The following POLD3 variants were observed in gnomAD, a reference collection of about 807,000 sequenced individuals.
POLD3 encodes the protein DNA polymerase delta subunit 3.
Under a neutral mutation model 58.2 loss-of-function variants are expected in POLD3, and 19 were observed. That is an observed-to-expected ratio of 0.33 (90% CI 0.23 to 0.48). The LOEUF (loss-of-function observed/expected upper bound fraction) is 0.48, where lower values mean the gene tolerates loss of function less well. POLD3 is among the 20% of genes least tolerant of loss of function. POLD3 has a pLI of 0.99. For missense variants in POLD3, 504 were observed against 545.5 expected, an observed-to-expected ratio of 0.92 and a Z score of 0.76; for synonymous variants, 172 against 193.5, an observed-to-expected ratio of 0.89 and a Z score of 0.92.
intron 4 of POLD3, among the ~76,000 whole-genome samples, chr11:74,662,992 C>A (rs1255401529): frequency 2.0e-5 from 3 of 152,212 alleles, no homozygotes; most frequent in Admixed American, 2.0e-4. Flanking sequence ...CCCAACCACA[C>A]AGATTCTCTG....
At chr11:74,657,182 A>G (rs145225161) in intron 4 of POLD3, among the ~76,000 whole-genome samples, 23 of 150,094 alleles carry the variant, frequency 1.5e-4, no homozygotes, top group African/African-American at 5.6e-4. Context: ...TAGATGAAAT[A>G]TGTTTCTTAT....
intron 9 of POLD3, among the ~76,000 whole-genome samples, chr11:74,632,387 T>A (rs538235732): frequency 6.6e-6 from 1 of 152,340 alleles, no homozygotes; most frequent in Admixed American, 6.5e-5. Flanking sequence ...CAAATCTGTT[T>A]AAAATACACC....
intron 9 of POLD3, among the ~76,000 whole-genome samples, chr11:74,633,944 T>G (rs2032671205): frequency 2.6e-5 from 4 of 152,224 alleles, no homozygotes. Flanking sequence ...TAACATCAGC[T>G]GGAAATTTTC....
Position 74,625,395 on chromosome 11 carries a change from A to G in POLD3, c.734-13A>G. On this transcript the variant is annotated splice_polypyrimidine_tract_variant and intron_variant, in intron 7 of 11. Coordinates refer to ENST00000263681, the MANE Select transcript of POLD3 (RefSeq NM_006591.3). Reference sequence around the variant, plus strand: ...GATGGGGTCATATGTCGTCTGCTATACTTTATTTATAGATAAATTTAAAGT... The same window carrying G: ...GATGGGGTCATATGTCGTCTGCTATGCTTTATTTATAGATAAATTTAAAGT... 6.3e-7 allele frequency: 1 copy of G among 1,593,074 alleles called. No individual in the cohort carries two copies. Among genetic ancestry groups the G allele is most frequent in the Non-Finnish European group, 8.6e-7 (1 of 1,167,772 alleles).
chr11:74,660,898 A>G (rs2033198379), intron 4 of POLD3, among the ~76,000 whole-genome samples: 1 of 150,944 alleles, frequency 6.6e-6, no homozygotes, highest in Admixed American at 6.6e-5. Context: ...AGGCTAATAC[A>G]TCTCCTCTGA....
intron 4 of POLD3, chr11:74,652,577 T>C (rs1349334131): frequency 2.6e-5 from 4 of 152,194 alleles, no homozygotes; most frequent in African/African-American, 7.2e-5. Flanking sequence ...GATGAAGCTA[T>C]AGAGATAGTG....
chr11:74,605,033 G>A (rs1024041574), intron 3 of POLD3, among the ~76,000 whole-genome samples: 1 of 152,176 alleles, frequency 6.6e-6, no homozygotes, highest in African/African-American at 2.4e-5. Flanking sequence ...TTAGGAGACT[G>A]CTTCTGTTAT....
chr11:74,641,881 C>A lies in POLD3; in HGVS notation c.*1115C>A, dbSNP rs911147552. ...AGACTGAATTGTTAGTAGGTCTAAA[C>A]ATCAAAGAAAACATTTTTATTAGTT... On this transcript the variant is annotated 3_prime_UTR_variant, in exon 12 of 12. Transcript: ENST00000263681. The A allele has an allele frequency of 1.0e-6, 1 of 985,104 alleles. No individual in the cohort carries two copies. Among genetic ancestry groups the A allele is most frequent in the African/African-American group, 1.7e-5 (1 of 57,218 alleles). The allele number at this position is 985,104 out of a possible 1,614,324, so 61.0% of individuals were successfully genotyped here.
rs561234595 is a variant in POLD3 at position 74,617,095 on chromosome 11, CTTTG to C, written c.393-1439_393-1436del. On this transcript the variant is annotated intron_variant, in intron 5 of 11. Transcript: ENST00000263681. Reference sequence around the variant, plus strand: ...AGACTGGGAAAAATAAAATATTTTTCTTTGTTAGAAAAAGCTGGGGAACTTTGCT... The same window carrying C: ...AGACTGGGAAAAATAAAATATTTTTCTTAGAAAAAGCTGGGGAACTTTGCT... Among the ~76,000 whole-genome samples, 508 of 152,194 alleles carry C rather than the reference CTTTG, an allele frequency of 3.3e-3. 3 individuals carry two copies. The highest frequency in any genetic ancestry group is 0.012 in the African/African-American group (478 of 41,506).
At chr11:74,640,043 T>A (rs7925341) in intron 11 of POLD3, among the ~76,000 whole-genome samples, 130,431 of 152,104 alleles carry the variant, frequency 0.86, 56,438 homozygotes, top group African/African-American at 0.97. Context: ...TGGCATCAGG[T>A]TAGAGCTAGA....
Position 74,641,878 on chromosome 11 carries a change from A to G in POLD3, c.*1112A>G. On this transcript the variant is annotated 3_prime_UTR_variant, in exon 12 of 12. Coordinates refer to ENST00000263681, the MANE Select transcript of POLD3 (RefSeq NM_006591.3). ...GAGAGACTGAATTGTTAGTAGGTCT[A>G]AACATCAAAGAAAACATTTTTATTA... 1 of 985,294 alleles carries G rather than the reference A, an allele frequency of 1.0e-6. No individual in the cohort carries two copies. The highest frequency in any genetic ancestry group is 4.7e-5 in the South Asian group (1 of 21,276). The allele number at this position is 985,294 out of a possible 1,614,324, so 61.0% of individuals were successfully genotyped here.
rs959916812 is a variant in POLD3 at position 74,641,606 on chromosome 11, A to T, written c.*840A>T. 1.0e-6 allele frequency: 1 copy of T among 985,248 alleles called. No homozygotes were observed. The highest frequency in any genetic ancestry group is 6.2e-5 in the Admixed American group (1 of 16,252). The allele number at this position is 985,248 out of a possible 1,614,324, so 61.0% of individuals were successfully genotyped here. ...TTGATCCCCTCCTCCCCCACTCTCA[A>T]TACCTAGAGAGTGAAACCCGTACAA... On this transcript the variant is annotated 3_prime_UTR_variant, in exon 12 of 12. Coordinates refer to ENST00000263681, the MANE Select transcript of POLD3 (RefSeq NM_006591.3).
At chr11:74,600,893 A>G (rs896301193) in intron 2 of POLD3, among the ~76,000 whole-genome samples, 1 of 151,684 alleles carries the variant, frequency 6.6e-6, no homozygotes, top group African/African-American at 2.4e-5. Flanking sequence ...CTAATTTTGT[A>G]TTTTTAATAG....
intron 5 of POLD3, among the ~76,000 whole-genome samples, chr11:74,617,101 TAG>T (rs1215807666): frequency 2.0e-5 from 3 of 152,120 alleles, no homozygotes; most frequent in Admixed American, 2.0e-4. Flanking sequence ...TTTTCTTTGT[TAG>T]AAAAAGCTGG....
At chr11:74,639,076 A>G (rs2032837728) in intron 11 of POLD3, among the ~76,000 whole-genome samples, 2 of 152,196 alleles carry the variant, frequency 1.3e-5, no homozygotes, top group Admixed American at 1.3e-4. Context: ...GCACTTCAAC[A>G]TTTAAAACAG....
chr11:74,659,918 C>T (rs1291715702), intron 4 of POLD3, among the ~76,000 whole-genome samples: 1 of 152,190 alleles, frequency 6.6e-6, no homozygotes, highest in Admixed American at 6.5e-5. Context: ...AAACTCACTT[C>T]CACAGTTTTG....
chr11:74,667,593 T>TAAAAAAAAAAAAAAAAAAAAA (rs1565137722), intron 4 of POLD3, among the ~76,000 whole-genome samples: 2 of 151,084 alleles, frequency 1.3e-5, no homozygotes, highest in African/African-American at 4.9e-5. Flanking sequence ...AAATAAAATT[T>TAAAAAAAAAAAAAAAAAAAAA]AAAAATTTAG....
At chr11:74,646,731 G>A (rs1314998181), downstream of POLD3, among the ~76,000 whole-genome samples, 1 of 152,206 alleles carries the variant, frequency 6.6e-6, no homozygotes, top group Non-Finnish European at 1.5e-5. Flanking sequence ...TTTAAGCTAT[G>A]CTACAGGTTC....
downstream of POLD3, among the ~76,000 whole-genome samples, chr11:74,647,833 T>C (rs2033019161): frequency 6.6e-6 from 1 of 152,210 alleles, no homozygotes; most frequent in Non-Finnish European, 1.5e-5. Flanking sequence ...TTGCCCTTGA[T>C]ACATTTACTA....
Sources: allele counts gnomAD v4.1 joint callset (sites outside exome capture counted in the v4.1 genomes callset), GRCh38; gene constraint gnomAD v4.1.1; transcripts MANE v1.5; gene names NCBI Gene and HGNC (gene_info 2026-07-23, HGNC 2026-07-21).